The following KMT2D variants were observed in gnomAD, a reference collection of about 807,000 sequenced individuals.
The protein encoded by KMT2D is lysine methyltransferase 2D, also known as histone-lysine N-methyltransferase 2D.
Under a neutral mutation model 512.7 loss-of-function variants are expected in KMT2D, and 55 were observed. The observed-to-expected ratio is 0.11, with a 90% CI of 0.09 to 0.13. KMT2D has a LOEUF of 0.13. Ranked by LOEUF, KMT2D falls within the 10% of genes least tolerant of loss-of-function variation. The probability of loss-of-function intolerance (pLI) is 1.00; values close to 1 mark genes in which losing one functional copy is unlikely to be tolerated. For synonymous variants in KMT2D, 2,995 were observed against 2,904.0 expected, an observed-to-expected ratio of 1.03 and a Z score of -1.01; for missense variants, 6,061 against 7,127.9, an observed-to-expected ratio of 0.85 and a Z score of 5.39.
At position 49,032,802 on chromosome 12, in the gene KMT2D, T is replaced by C; in HGVS notation, c.11903A>G (p.Gln3968Arg). Reference protein sequence around the residue: ...QQQQQQQQFQQQQQQQQMGLL... With the variant: ...QQQQQQQQFQRQQQQQQMGLL... The stretch of plus-strand genomic sequence containing the variant: ...GCCCATCTGCTGCTGTTGCTGCTGC[T>C]GTTGAAACTGCTGCTGTTGTTGTTG... The change falls in exon 40 of 55, where the codon CAG becomes CGG. Residue 3968 changes from glutamine to arginine, a missense_variant. This residue lies in a region of KMT2D where 1,600 missense variants were observed against 1,754.9 expected (regional missense o/e 0.91). Coordinates refer to ENST00000301067, the MANE Select transcript of KMT2D (RefSeq NM_003482.4). The C allele has an allele frequency of 6.4e-7, 1 of 1,552,266 alleles. No individual in the cohort carries two copies. Among genetic ancestry groups the C allele is most frequent in the Non-Finnish European group, 8.7e-7 (1 of 1,147,468 alleles).
In KMT2D at chr12:49,038,059, G is replaced by A. The variant is rs368160122; in HGVS notation, c.9297C>T (p.Arg3099=). The change falls in exon 35 of 55, where the codon CGC becomes CGT. Residue 3099 remains arginine, a synonymous_variant. Coordinates refer to ENST00000301067, the MANE Select transcript of KMT2D (RefSeq NM_003482.4). This position sits in a 1 kb window ranked among gnomAD's most constrained non-coding sequence, Gnocchi z 5.7. ...CAGAGGCATCAGCAGCAGGGGGAGG[G>A]CGCTCCTCAGGGCCCAAGGGTCCTG... is the stretch of plus-strand genomic sequence containing the variant. ...VEPGPLGPEE[R]PPPAADASEP... 77 of 1,612,666 alleles carry A rather than the reference G, an allele frequency of 4.8e-5. No individual in the cohort carries two copies. The highest frequency in any genetic ancestry group is 1.3e-4 in the Admixed American group (8 of 59,824).
intron 41 of KMT2D, 25 bp downstream of exon 41, chr12:49,030,867 AG>A: frequency 1.2e-6 from 2 of 1,613,460 alleles, no homozygotes; most frequent in Non-Finnish European, 1.7e-6. Context: ...GGATGGGACC[AG>A]GGGGACTGTC....
rs1163810830 is a variant in KMT2D at position 49,027,868 on chromosome 12, A to G, written c.14578T>C (p.Phe4860Leu). Residue 4860 changes from phenylalanine to leucine, a missense_variant, in exon 48 of 55, where the codon TTT (phenylalanine) becomes CTT (leucine). Phe to Leu is a conservative substitution (Grantham distance 22). Transcript: ENST00000301067. ...PDTGPDWLKQ[F>L]DAVLPGYTLK... is the part of the protein sequence containing the mutation. ...GTATAGCCAGGCAACACTGCATCAAACTGCTTCAGCCAATCAGGGCCAGTG... is the reference window on the plus strand; with the variant it reads ...GTATAGCCAGGCAACACTGCATCAAGCTGCTTCAGCCAATCAGGGCCAGTG... The G allele has an allele frequency of 2.5e-6, 4 of 1,611,556 alleles. No homozygotes were observed. In the Admixed American group the frequency reaches 6.7e-5, roughly 27 times the overall value.
rs1942866117 is a variant in KMT2D, at chr12:49,030,784, TGA to T, written c.13672-18_13672-17del. On this transcript the variant is annotated splice_polypyrimidine_tract_variant and intron_variant, in intron 41 of 54. Transcript: ENST00000301067. Reference sequence around the variant, plus strand: ...GGGACAGCTCCTACAAGGGGCAAGATGACAAAGTTCAAAACCTGCAGCGTTTG... The same window carrying T: ...GGGACAGCTCCTACAAGGGGCAAGATCAAAGTTCAAAACCTGCAGCGTTTG... The T allele has an allele frequency of 6.2e-7, 1 of 1,613,266 alleles. No individual in the cohort carries two copies. The highest frequency in any genetic ancestry group is 1.3e-5 in the African/African-American group (1 of 74,914).
rs774915004 is a variant in KMT2D at position 49,044,217 on chromosome 12, T to A, written c.5171A>T (p.Asp1724Val). 2 of 1,611,898 alleles carry A rather than the reference T, an allele frequency of 1.2e-6. No homozygotes were observed. The highest frequency in any genetic ancestry group is 1.7e-6 in the Non-Finnish European group (2 of 1,179,742). ...CGTCTCACCCTCGTCGGGCTGCCCA[T>A]CCCCACTCAACACCTCCGCCTGTGC... ...PAAQAEVLSG[D>V]GQPDEVIPAD... is the part of the protein sequence containing the mutation. Residue 1724 changes from aspartate (D) to valine (V), a missense_variant, in exon 22 of 55, where the codon GAT becomes GTT. Physicochemically the swap from Asp to Val is radical, Grantham distance 152 (BLOSUM62 -3). This residue lies in a region of KMT2D where 640 missense variants were observed against 814.3 expected (regional missense o/e 0.79). Coordinates refer to ENST00000301067, the MANE Select transcript of KMT2D (RefSeq NM_003482.4). This position sits in a 1 kb window ranked among gnomAD's most constrained non-coding sequence, Gnocchi z 6.4.
rs1315145318 is a variant in KMT2D at position 49,046,542 on chromosome 12, C to T, written c.4418+67G>A. On this transcript the variant is annotated intron_variant, in intron 16 of 54. Coordinates refer to ENST00000301067, the MANE Select transcript of KMT2D (RefSeq NM_003482.4). This position sits in a 1 kb window ranked among gnomAD's most constrained non-coding sequence, Gnocchi z 4.2. ...TCCTAAACCCAGCCTCTGTCACATA[C>T]TCAACATCATATCCACTTTAACATC... 5.1e-6 allele frequency: 8 copies of T among 1,576,312 alleles called. No individual in the cohort carries two copies. In the Admixed American group the frequency reaches 5.2e-5, roughly 10 times the overall value.
rs1938257309 is a variant in KMT2D, at chr12:49,054,161, C to A, written c.511-21G>T. 45 of 1,576,040 alleles carry A rather than the reference C, an allele frequency of 2.9e-5. No homozygotes were observed. The highest frequency in any genetic ancestry group is 3.4e-5 in the Non-Finnish European group (39 of 1,159,858). On this transcript the variant is annotated intron_variant, in intron 5 of 54. Transcript: ENST00000301067. This position sits in a 1 kb window ranked among gnomAD's most constrained non-coding sequence, Gnocchi z 6.4. ...CAGCGCTGCCAGGGTGAAAAAAGAG[C>A]CTCAGTGTCAGCCAGCTCTCCCCAG...
In KMT2D at chr12:49,042,720, G is replaced by C. The variant is rs761328336; in HGVS notation, c.5782+21C>G. 1 of 1,611,010 alleles carries C rather than the reference G, an allele frequency of 6.2e-7. No homozygotes were observed. The highest frequency in any genetic ancestry group is 8.5e-7 in the Non-Finnish European group (1 of 1,177,850). On this transcript the variant is annotated intron_variant, in intron 27 of 54. Coordinates refer to ENST00000301067, the MANE Select transcript of KMT2D (RefSeq NM_003482.4). This position sits in a 1 kb window ranked among gnomAD's most constrained non-coding sequence, Gnocchi z 4.4. ...GCAAGCTTGGTTATGTCAGTCTTCA[G>C]ACCACTCCCACCTGTATTACCTTGA... is the stretch of plus-strand genomic sequence containing the variant.
rs1481314902 is a variant in KMT2D at position 49,042,240 on chromosome 12, G to A, written c.5958C>T (p.Thr1986=). The change falls in exon 29 of 55, where the codon ACC becomes ACT. Residue 1986 remains threonine (T), a synonymous_variant. Coordinates refer to ENST00000301067, the MANE Select transcript of KMT2D (RefSeq NM_003482.4). This position sits in a 1 kb window ranked among gnomAD's most constrained non-coding sequence, Gnocchi z 4.4. ...SGGTTPSTPT[T]PTTEGEGDGL... Reference sequence around the variant, plus strand: ...CGTCGCCCTCACCCTCCGTGGTGGGGGTTGTGGGGGTGGAGGGCGTGGTGC... The same window carrying A: ...CGTCGCCCTCACCCTCCGTGGTGGGAGTTGTGGGGGTGGAGGGCGTGGTGC... 6.3e-7 allele frequency: 1 copy of A among 1,590,326 alleles called. No homozygotes were observed. Among genetic ancestry groups the A allele is most frequent in the Non-Finnish European group, 8.6e-7 (1 of 1,168,674 alleles).
rs2120716100 is a variant in KMT2D at position 49,054,977 on chromosome 12, C to A, written c.99G>T (p.Leu33=). The A allele has an allele frequency of 6.2e-7, 1 of 1,614,014 alleles. No homozygotes were observed. The highest frequency in any genetic ancestry group is 1.3e-5 in the African/African-American group (1 of 75,046). The change falls in exon 3 of 55, where the codon CTG becomes CTT. Residue 33 remains leucine, a synonymous_variant. Transcript: ENST00000301067. This position sits in a 1 kb window ranked among gnomAD's most constrained non-coding sequence, Gnocchi z 6.4. ...SEDPSATESD[L]PNPHVGEVSV... Reference sequence around the variant, plus strand: ...AGACCTCTCCCACATGTGGGTTGGGCAGGTCTGACTCAGTGGCACTTGGGT... The same window carrying A: ...AGACCTCTCCCACATGTGGGTTGGGAAGGTCTGACTCAGTGGCACTTGGGT...
At chr12:49,027,979 A>G in intron 47 of KMT2D, 30 bp downstream of exon 47, 2 of 1,613,328 alleles carry the variant, frequency 1.2e-6, no homozygotes, top group East Asian at 2.2e-5. Flanking sequence ...ACTCCCCTCA[A>G]GTCCCAAAGG....
Position 49,044,362 on chromosome 12 carries a change from G to A in KMT2D, c.5083+41C>T, listed in dbSNP as rs778059591. Reference sequence around the variant, plus strand: ...GCTGGGGGACCTATTGAGCTGCCCCGCACCACCCCACCACCCCACAACCCC... The same window carrying A: ...GCTGGGGGACCTATTGAGCTGCCCCACACCACCCCACCACCCCACAACCCC... On this transcript the variant is annotated intron_variant, in intron 21 of 54. Coordinates refer to ENST00000301067, the MANE Select transcript of KMT2D (RefSeq NM_003482.4). The surrounding 1 kb of genome is among the most constrained non-coding windows in gnomAD (Gnocchi z 6.4). The A allele has an allele frequency of 6.2e-5, 100 of 1,613,014 alleles. No homozygotes were observed. Among genetic ancestry groups the A allele is most frequent in the Middle Eastern group, 1.6e-4 (1 of 6,078 alleles).
Position 49,026,332 on chromosome 12 carries a change from C to T in KMT2D, c.15634G>A (p.Ala5212Thr), listed in dbSNP as rs1172469001. The T allele has an allele frequency of 2.5e-6, 4 of 1,611,866 alleles. No homozygotes were observed. The highest frequency in any genetic ancestry group is 2.7e-5 in the African/African-American group (2 of 74,894). ...CGGAGGCTCCAATAGATGCGCGTGGCCTCGTAGCCCACGGGATAGAGGGCA... is the reference window on the plus strand; with the variant it reads ...CGGAGGCTCCAATAGATGCGCGTGGTCTCGTAGCCCACGGGATAGAGGGCA... ...ATALYPVGYE[A>T]TRIYWSLRTN... is the part of the protein sequence containing the mutation. The change falls in exon 49 of 55, where the codon GCC (alanine) becomes ACC (threonine). Residue 5212 changes from alanine to threonine, a missense_variant. Transcript: ENST00000301067. This position sits in a 1 kb window ranked among gnomAD's most constrained non-coding sequence, Gnocchi z 9.6.
At chr12:49,030,463 T>C in intron 42 of KMT2D, 24 bp from the exon 43 acceptor site, 1 of 1,030,840 alleles carries the variant, frequency 9.7e-7, no homozygotes, top group Non-Finnish European at 1.4e-6. Flanking sequence ...GGTGGGGTGT[T>C]GTGTGCAAGA....
In KMT2D at chr12:49,046,240, G is replaced by A. The variant is rs1377778650; in HGVS notation, c.4583+20C>T. On this transcript the variant is annotated intron_variant, in intron 17 of 54. Transcript: ENST00000301067. The surrounding 1 kb of genome is among the most constrained non-coding windows in gnomAD (Gnocchi z 4.2). ...GAGGCTGGCAACAGGGCCAAAGTGA[G>A]GAGAAAGGGATGTTCTCACCGTTCA... is the stretch of plus-strand genomic sequence containing the variant. The A allele has an allele frequency of 1.2e-6, 2 of 1,613,920 alleles. No individual in the cohort carries two copies. Among genetic ancestry groups the A allele is most frequent in the Non-Finnish European group, 1.7e-6 (2 of 1,179,834 alleles).
chr12:49,057,894 C>T (rs1938507368), intron 1 of KMT2D, among the ~76,000 whole-genome samples: 1 of 152,126 alleles, frequency 6.6e-6, no homozygotes, highest in Admixed American at 6.5e-5. Flanking sequence ...GTGCTGGCAC[C>T]CCCTCAGTCC....
rs754997072 is a variant in KMT2D, at chr12:49,034,586, C to T, written c.10436G>A (p.Gly3479Asp). The T allele has an allele frequency of 2.5e-6, 4 of 1,613,486 alleles. No individual in the cohort carries two copies. In the South Asian group the frequency reaches 4.4e-5, roughly 18 times the overall value. Residue 3479 changes from glycine to aspartate, a missense_variant, in exon 37 of 55, where the codon GGC becomes GAC. Gly to Asp is a moderately conservative substitution (Grantham distance 94). This residue lies in a region of KMT2D where 533 missense variants were observed against 539.6 expected (regional missense o/e 0.99). Transcript: ENST00000301067. ...TACTCCCACCTGACCACTTACCTGG[C>T]CACTCCCAGCTGCCACATGGTTCTG... ...DLQNHVAAGS[G>D]QERSAGDPSQ... is the part of the protein sequence containing the mutation.
rs200014210 is a variant in KMT2D, at chr12:49,046,111, T to G, written c.4647A>C (p.Glu1549Asp). The G allele has an allele frequency of 4.3e-6, 7 of 1,610,842 alleles. No individual in the cohort carries two copies. ...GCTGGCAGGAGACACAGTCAAAGCCTTCATCGGCTGCCTGCTCCACATCGT... is the reference window on the plus strand; with the variant it reads ...GCTGGCAGGAGACACAGTCAAAGCCGTCATCGGCTGCCTGCTCCACATCGT... ...TEDDVEQAAD[E>D]GFDCVSCQPY... The change falls in exon 18 of 55, where the codon GAA (glutamate) becomes GAC (aspartate). Residue 1549 changes from glutamate to aspartate, a missense_variant. By Grantham distance (45) the Glu-to-Asp change is conservative. This residue lies in a region of KMT2D where 640 missense variants were observed against 814.3 expected (regional missense o/e 0.79). Transcript: ENST00000301067. The surrounding 1 kb of genome is among the most constrained non-coding windows in gnomAD (Gnocchi z 4.2).
intron 43 of KMT2D, 38 bp downstream of exon 43, chr12:49,030,242 C>T (rs778141116): frequency 3.8e-6 from 6 of 1,561,468 alleles, no homozygotes; most frequent in South Asian, 2.3e-5. Flanking sequence ...ACTCCAGCTA[C>T]CAAACTCCAC....
Sources: gnomAD v4.1 joint callset for allele counts (sites outside exome capture counted in the v4.1 genomes callset) on GRCh38, gnomAD v4.1.1 for gene constraint, gnomAD v4.1.1 regional missense constraint, Gnocchi (gnomAD v3.1) non-coding constraint, MANE v1.5 for transcripts, NCBI Gene and HGNC (gene_info 2026-07-23, HGNC 2026-07-21) for gene names.